Variants in APC2 observed in about 807,000 individuals in gnomAD.
APC2 encodes the protein APC regulator of Wnt signaling pathway 2.
In APC2, 41 loss-of-function variants were observed where a neutral mutation model predicts 72.5. That is an observed-to-expected ratio of 0.57 (90% CI 0.44 to 0.73). The LOEUF (loss-of-function observed/expected upper bound fraction) is 0.73. Ranked by LOEUF, APC2 falls within the 30% of genes least tolerant of loss-of-function variation. The probability of loss-of-function intolerance (pLI) is 0.00; values close to 1 mark genes in which losing one functional copy is unlikely to be tolerated. For missense variants in APC2, 3,729 were observed against 3,403.4 expected (o/e 1.10, Z -2.38); for synonymous variants, 1,898 against 1,612.0 (o/e 1.18, Z -4.25).
chr19:1,467,292 C>T lies in APC2; in HGVS notation c.3991C>T (p.Arg1331Cys), dbSNP rs2084035299. 6 of 1,323,294 alleles carry T rather than the reference C, an allele frequency of 4.5e-6. No homozygotes were observed. The highest frequency in any genetic ancestry group is 5.8e-6 in the Non-Finnish European group (6 of 1,040,852). The allele number at this position is 1,323,294 out of a possible 1,614,324, so 82.0% of individuals were successfully genotyped here. The change falls in exon 15 of 15, where the codon CGC becomes TGC. Residue 1331 changes from arginine to cysteine, a missense_variant. Coordinates refer to ENST00000590469, the MANE Select transcript of APC2 (RefSeq NM_005883.3). The part of the protein sequence containing the change: ...REEGPAPTGS[R>C]PRGAADQELE... ...GGAGGGGCCGGCGCCCACGGGTTCT[C>T]GCCCTCGCGGCGCCGCGGACCAGGA...
At position 1,467,982 on chromosome 19, in the gene APC2, C is replaced by T; in HGVS notation, c.4681C>T (p.Pro1561Ser). 1.3e-6 allele frequency: 2 copies of T among 1,580,094 alleles called. No homozygotes were observed. The highest frequency in any genetic ancestry group is 1.7e-6 in the Non-Finnish European group (2 of 1,172,424). Reference sequence around the variant, plus strand: ...CAAGGCTGCACCAGCTGCCCCGCCGCCCGCCCGGACCCAGCCCAGCCTCAT... The same window carrying T: ...CAAGGCTGCACCAGCTGCCCCGCCGTCCGCCCGGACCCAGCCCAGCCTCAT... ...PSKAAPAAPP[P>S]ARTQPSLIAD... Residue 1561 changes from proline to serine, a missense_variant, in exon 15 of 15, where the codon CCC becomes TCC. By Grantham distance (74) the Pro-to-Ser change is moderately conservative. Coordinates refer to ENST00000590469, the MANE Select transcript of APC2 (RefSeq NM_005883.3).
At chr19:1,463,147 C>CGTG (rs1490668483) in intron 14 of APC2, among the ~76,000 whole-genome samples, 2 of 151,060 alleles carry the variant, frequency 1.3e-5, no homozygotes, top group Non-Finnish European at 2.9e-5. Context: ...GTGGGCCGGG[C>CGTG]GTGGTGGCTC....
chr19:1,464,963 AAAAAAT>A (rs1176791889), intron 14 of APC2, among the ~76,000 whole-genome samples, 186 bp from the exon 15 acceptor site: 5 of 151,642 alleles, frequency 3.3e-5, no homozygotes, highest in Admixed American at 2.6e-4. Flanking sequence ...CTCCATCTCA[AAAAAAT>A]AAAAATAAAA....
At chr19:1,455,812 CA>C (rs1167320636) in intron 6 of APC2, among the ~76,000 whole-genome samples, 4 of 151,664 alleles carry the variant, frequency 2.6e-5, no homozygotes, top group Non-Finnish European at 5.9e-5. Context: ...GGGTGGAGCC[CA>C]AATGGGAAGT....
At chr19:1,465,117 T>TG in intron 14 of APC2, 38 bp from the exon 15 acceptor site, 3 of 1,565,086 alleles carry the variant, frequency 1.9e-6, no homozygotes, top group Admixed American at 1.9e-5. Flanking sequence ...CAGGGGAGGG[T>TG]GGGGGGTGGC....
In APC2 at chr19:1,467,287, G is replaced by C. The variant is rs2084035258; in HGVS notation, c.3986G>C (p.Gly1329Ala). 7.6e-7 allele frequency: 1 copy of C among 1,323,338 alleles called. No individual in the cohort carries two copies. The highest frequency in any genetic ancestry group is 4.0e-5 in the Admixed American group (1 of 24,712). The allele number at this position is 1,323,338 out of a possible 1,614,324, so 82.0% of individuals were successfully genotyped here. The change falls in exon 15 of 15, where the codon GGT (glycine) becomes GCT (alanine). Residue 1329 changes from glycine to alanine, a missense_variant. By Grantham distance (60) the Gly-to-Ala change is moderately conservative. Transcript: ENST00000590469. ...RRREEGPAPT[G>A]SRPRGAADQE... ...CGGGAGGAGGGGCCGGCGCCCACGG[G>C]TTCTCGCCCTCGCGGCGCCGCGGAC...
intron 9 of APC2, 53 bp downstream of exon 9, chr19:1,457,296 C>T (rs2083849449): frequency 6.8e-7 from 1 of 1,468,400 alleles, no homozygotes; most frequent in Non-Finnish European, 9.0e-7. Context: ...GCAGCTAGGG[C>T]TTCCCGGGGG....
chr19:1,457,206 C>G lies in APC2; in HGVS notation c.1170C>G (p.Ala390=), dbSNP rs1264846651. 1.3e-6 allele frequency: 2 copies of G among 1,552,294 alleles called. No homozygotes were observed. The highest frequency in any genetic ancestry group is 1.2e-5 in the South Asian group (1 of 84,176). ...AGACCTGCTGGGACTGGCTGCAGGCCCGAGACGGCGGGCCCGAGGGAGGTG... is the reference window on the plus strand; with the variant it reads ...AGACCTGCTGGGACTGGCTGCAGGCGCGAGACGGCGGGCCCGAGGGAGGTG... ...YCETCWDWLQ[A]RDGGPEGGGA... is the part of the protein sequence containing the mutation. Residue 390 remains alanine (A), a synonymous_variant, in exon 9 of 15, where the codon GCC becomes GCG. Coordinates refer to ENST00000590469, the MANE Select transcript of APC2 (RefSeq NM_005883.3).
rs752963417 is a variant in APC2 at position 1,469,028 on chromosome 19, C to T, written c.5727C>T (p.Pro1909=). The change falls in exon 15 of 15, where the codon CCC becomes CCT. Residue 1909 remains proline, a synonymous_variant. Coordinates refer to ENST00000590469, the MANE Select transcript of APC2 (RefSeq NM_005883.3). ...CCGGCCCCGGAGCCTCCCCGGTGCC[C>T]AAAACGCCGGCGCGCACCCTTCTGG... ...ALPGPGASPV[P]KTPARTLLAK... 6.5e-7 allele frequency: 1 copy of T among 1,545,924 alleles called. No homozygotes were observed. Among genetic ancestry groups the T allele is most frequent in the Non-Finnish European group, 8.7e-7 (1 of 1,148,492 alleles).
chr19:1,467,055 C>T lies in APC2; in HGVS notation c.3754C>T (p.Leu1252=). Residue 1252 remains leucine, a synonymous_variant, in exon 15 of 15, where the codon CTG becomes TTG. Transcript: ENST00000590469. ...CGCCGACTGCCGGGAGCGCTGCCGGCTGCCATCTGAGCTGGACGCAGGCAG... is the reference window on the plus strand; with the variant it reads ...CGCCGACTGCCGGGAGCGCTGCCGGTTGCCATCTGAGCTGGACGCAGGCAG... ...DIADCRERCR[L]PSELDAGSVR... The T allele has an allele frequency of 6.2e-7, 1 of 1,611,882 alleles. No individual in the cohort carries two copies. The highest frequency in any genetic ancestry group is 8.5e-7 in the Non-Finnish European group (1 of 1,179,698).
Position 1,466,027 on chromosome 19 carries a change from C to A in APC2, c.2726C>A (p.Ala909Glu), listed in dbSNP as rs750104957. ...EGGRREAGSR[A>E]HPLLRLKAAH... ...GGGCGGCGAGAGGCAGGAAGCCGGG[C>A]GCACCCGCTGCTGCGGCTCAAGGCG... Residue 909 changes from alanine to glutamate, a missense_variant, in exon 15 of 15, where the codon GCG becomes GAG. Transcript: ENST00000590469. 1 of 1,493,890 alleles carries A rather than the reference C, an allele frequency of 6.7e-7. No homozygotes were observed. Among genetic ancestry groups the A allele is most frequent in the Non-Finnish European group, 8.8e-7 (1 of 1,131,250 alleles). 92.5% of individuals were successfully genotyped at this position (1,493,890 alleles called of 1,614,324 possible).
chr19:1,458,191 C>A (rs2083868651), intron 10 of APC2, 131 bp downstream of exon 10: 1 of 810,828 alleles, frequency 1.2e-6, no homozygotes, highest in Non-Finnish European at 2.0e-6. Flanking sequence ...GAGGGACAGA[C>A]TCCCTGGAGT....
rs2084002148 is a variant in APC2, at chr19:1,465,879, G to A, written c.2578G>A (p.Asp860Asn). 1.3e-6 allele frequency: 2 copies of A among 1,569,454 alleles called. No individual in the cohort carries two copies. The highest frequency in any genetic ancestry group is 1.7e-6 in the Non-Finnish European group (2 of 1,161,756). The change falls in exon 15 of 15, where the codon GAC becomes AAC. Residue 860 changes from aspartate (D) to asparagine (N), a missense_variant. By Grantham distance (23) the Asp-to-Asn change is conservative. Coordinates refer to ENST00000590469, the MANE Select transcript of APC2 (RefSeq NM_005883.3). ...AVARIDQLVE[D>N]ISALHTSSDD... ...GGCGCGCATCGACCAGCTGGTGGAG[G>A]ACATCTCCGCCCTGCACACCTCGTC...
At chr19:1,455,638 G>T in intron 6 of APC2, 138 bp downstream of exon 6, 1 of 859,554 alleles carries the variant, frequency 1.2e-6, no homozygotes, top group Non-Finnish European at 1.8e-6. Context: ...GCGGGTTCTG[G>T]TTCAGGAGGC....
At chr19:1,447,175 C>T (rs1375946649), upstream of APC2, among the ~76,000 whole-genome samples, 1 of 152,200 alleles carries the variant, frequency 6.6e-6, no homozygotes, top group Non-Finnish European at 1.5e-5. Flanking sequence ...GGGCTCTGCC[C>T]GGCCACCCAG....
At position 1,467,207 on chromosome 19, in the gene APC2, C is replaced by A. The variant is rs777188964; in HGVS notation, c.3906C>A (p.Pro1302=). ...VELRLLPSAC[P]ERGGGAGGAG... is the part of the protein sequence containing the mutation. ...TGCGGCTGCTGCCCTCGGCCTGCCCCGAGCGCGGCGGGGGCGCCGGGGGCG... is the reference window on the plus strand; with the variant it reads ...TGCGGCTGCTGCCCTCGGCCTGCCCAGAGCGCGGCGGGGGCGCCGGGGGCG... Residue 1302 remains proline (P), a synonymous_variant, in exon 15 of 15, where the codon CCC becomes CCA. Coordinates refer to ENST00000590469, the MANE Select transcript of APC2 (RefSeq NM_005883.3). 4.2e-6 allele frequency: 6 copies of A among 1,421,422 alleles called. No homozygotes were observed. Among genetic ancestry groups the A allele is most frequent in the Middle Eastern group, 2.3e-4 (1 of 4,376 alleles). 88.1% of individuals were successfully genotyped at this position (1,421,422 alleles called of 1,614,324 possible).
In APC2 at chr19:1,460,177, A is replaced by G. The variant is rs779351579; in HGVS notation, c.1304-4A>G. 1.2e-6 allele frequency: 2 copies of G among 1,613,146 alleles called. No individual in the cohort carries two copies. Among genetic ancestry groups the G allele is most frequent in the African/African-American group, 2.7e-5 (2 of 74,938 alleles). Reference sequence around the variant, plus strand: ...CACCCACCAACCTTGTTGGGTCCTCACAGGTGGGCTGCAGGCCGTGGCAGA... The same window carrying G: ...CACCCACCAACCTTGTTGGGTCCTCGCAGGTGGGCTGCAGGCCGTGGCAGA... On this transcript the variant is annotated splice_polypyrimidine_tract_variant and splice_region_variant and intron_variant, in intron 10 of 14. Transcript: ENST00000590469.
In APC2 at chr19:1,467,922, C is replaced by G. The variant is rs1599160939; in HGVS notation, c.4621C>G (p.Arg1541Gly). 1 of 1,584,710 alleles carries G rather than the reference C, an allele frequency of 6.3e-7. No homozygotes were observed. Among genetic ancestry groups the G allele is most frequent in the Non-Finnish European group, 8.5e-7 (1 of 1,173,762 alleles). Residue 1541 changes from arginine (R) to glycine (G), a missense_variant, in exon 15 of 15, where the codon CGT becomes GGT. Physicochemically the swap from Arg to Gly is moderately radical, Grantham distance 125 (BLOSUM62 -2). Transcript: ENST00000590469. Reference protein sequence around the residue: ...SAIPRAFTRERPQGRKEAPAP... With the variant: ...SAIPRAFTREGPQGRKEAPAP... ...CATCCCTCGCGCTTTTACGCGGGAG[C>G]GTCCGCAGGGCCGGAAGGAGGCCCC... is the stretch of plus-strand genomic sequence containing the variant.
chr19:1,447,388 G>A (rs189151429), upstream of APC2, among the ~76,000 whole-genome samples: 8 of 152,314 alleles, frequency 5.3e-5, no homozygotes, highest in African/African-American at 9.6e-5. Flanking sequence ...GCGGACTTGC[G>A]GGGAGGTGTC....
Sources: allele counts gnomAD v4.1 joint callset (sites outside exome capture counted in the v4.1 genomes callset), GRCh38; gene constraint gnomAD v4.1.1; transcripts MANE v1.5; gene names NCBI Gene and HGNC (gene_info 2026-07-23, HGNC 2026-07-21).